The following TENM1 variants were observed in gnomAD, a reference collection of about 807,000 sequenced individuals.
TENM1 encodes teneurin transmembrane protein 1, also known as teneurin-1.
Under a neutral mutation model 174.8 loss-of-function variants are expected in TENM1, and 35 were observed. That is an observed-to-expected ratio of 0.20 (90% confidence interval 0.15 to 0.27). TENM1 has a LOEUF of 0.27. TENM1 is among the 10% of genes least tolerant of loss of function. TENM1 has a pLI of 1.00. For synonymous variants in TENM1, 781 were observed against 798.7 expected, an observed-to-expected ratio of 0.98 and a Z score of 0.37; for missense variants, 1,633 against 2,130.1, an observed-to-expected ratio of 0.77 and a Z score of 4.59.
At chrX:124,590,709 G>C (rs1198091824) in intron 11 of TENM1, among the ~76,000 whole-genome samples, 1 of 111,939 alleles carries the variant, frequency 8.9e-6, no homozygotes, top group Non-Finnish European at 1.9e-5. Flanking sequence ...AATGAATTTT[G>C]TGTTTTTGAT....
intron 13 of TENM1, 66 bp from the exon 17 acceptor site, chrX:124,561,883 T>C: frequency 9.2e-7 from 1 of 1,090,760 alleles, no homozygotes; most frequent in African/African-American, 1.8e-5. Context: ...CAATGATGTA[T>C]TTGCCTATAG....
chrX:125,168,726 A>T, the TENM1 span, among the ~76,000 whole-genome samples: 6 of 110,779 alleles, frequency 5.4e-5, no homozygotes, highest in Admixed American at 2.9e-4. Context: ...ACTGCCATGA[A>T]TTCTACACCT....
At chrX:124,885,367 A>C (rs2147530799) in intron 3 of TENM1, among the ~76,000 whole-genome samples, 1 of 111,029 alleles carries the variant, frequency 9.0e-6, no homozygotes, top group South Asian at 3.9e-4. Context: ...AATAATGAAT[A>C]GATCAGAAAG....
At chrX:124,998,090 G>GAA in the TENM1 span, among the ~76,000 whole-genome samples, 9 of 48,712 alleles carry the variant, frequency 1.8e-4, no homozygotes, top group East Asian at 1.4e-3. Context: ...TCATTTTAGA[G>GAA]AAAAAAAAAA....
At chrX:124,479,991 T>C (rs2046809417) in intron 22 of TENM1, among the ~76,000 whole-genome samples, 1 of 111,729 alleles carries the variant, frequency 9.0e-6, no homozygotes, top group African/African-American at 3.3e-5. Context: ...TTGTGTTCCC[T>C]TAGGGAAAAT....
At chrX:124,388,903 A>C (rs2060252424) in intron 28 of TENM1, among the ~76,000 whole-genome samples, 1 of 112,257 alleles carries the variant, frequency 8.9e-6, no homozygotes, top group African/African-American at 3.2e-5. Context: ...AAATGATTAT[A>C]AAATATATTT....
the TENM1 span, among the ~76,000 whole-genome samples, chrX:125,160,896 T>G: frequency 9.1e-6 from 1 of 110,403 alleles, no homozygotes; most frequent in Non-Finnish European, 1.9e-5. Context: ...CACAAAATGT[T>G]AATCATAGAG....
intron 22 of TENM1, among the ~76,000 whole-genome samples, chrX:124,478,042 C>T (rs2046770726): frequency 8.9e-6 from 1 of 112,107 alleles, no homozygotes; most frequent in Non-Finnish European, 1.9e-5. Context: ...GTGTATGGCA[C>T]ACAGTAGGCA....
chrX:124,563,679 T>G, intron 13 of TENM1, 70 bp downstream of exon 16: 1 of 901,464 alleles, frequency 1.1e-6, no homozygotes, highest in Non-Finnish European at 1.5e-6. Context: ...AACGCTACCC[T>G]TTCTTTCTTA....
the TENM1 span, among the ~76,000 whole-genome samples, chrX:124,977,963 TGTGTGAGAGAGAGAGAGA>T: frequency 0.035 from 1,419 of 40,450 alleles, 31 homozygotes; most frequent in African/African-American, 0.099. Flanking sequence ...TGTGTGTGTG[TGTGTGAGAGAGAGAGAGA>T]GAGAGAGAGA....
chrX:125,155,821 G>A, the TENM1 span, among the ~76,000 whole-genome samples: 4 of 112,394 alleles, frequency 3.6e-5, no homozygotes, highest in Admixed American at 9.3e-5. Flanking sequence ...CTGGCAGCCC[G>A]GGTTCCCGCC....
At chrX:125,136,990 G>C in the TENM1 span, among the ~76,000 whole-genome samples, 6 of 110,620 alleles carry the variant, frequency 5.4e-5, no homozygotes, top group Non-Finnish European at 1.1e-4. Flanking sequence ...GTGTAGGGAA[G>C]GAATGTGGGC....
At chrX:124,420,894 T>C in intron 24 of TENM1, 73 bp from the exon 28 acceptor site, 6 of 972,183 alleles carry the variant, frequency 6.2e-6, no homozygotes, top group Non-Finnish European at 8.6e-6. Flanking sequence ...GACATAAAGC[T>C]CTGTGCATCA....
At chrX:125,007,320 A>T in the TENM1 span, among the ~76,000 whole-genome samples, 1 of 109,265 alleles carries the variant, frequency 9.2e-6, no homozygotes, top group Non-Finnish European at 1.9e-5. Flanking sequence ...CGCAGACAAC[A>T]TTAGAGAAAA....
chrX:124,611,937 T>C (rs1013692832), intron 11 of TENM1, among the ~76,000 whole-genome samples: 3 of 112,271 alleles, frequency 2.7e-5, no homozygotes, highest in Non-Finnish European at 3.8e-5. Flanking sequence ...TTGACTTGCA[T>C]GCAAGAGTAA....
chrX:125,072,725 T>A, the TENM1 span, among the ~76,000 whole-genome samples: 1 of 110,574 alleles, frequency 9.0e-6, no homozygotes, highest in Admixed American at 9.6e-5. Context: ...AATAATAAAA[T>A]AAAAAAAAGA....
At chrX:124,412,257 C>T (rs1331849920) in intron 25 of TENM1, among the ~76,000 whole-genome samples, 1 of 112,868 alleles carries the variant, frequency 8.9e-6, no homozygotes, top group African/African-American at 3.2e-5. Flanking sequence ...TGTGTGTGTG[C>T]ATGTGCACAC....
At chrX:125,173,705 T>C in the TENM1 span, among the ~76,000 whole-genome samples, 1 of 111,271 alleles carries the variant, frequency 9.0e-6, no homozygotes, top group African/African-American at 3.3e-5. Context: ...CTGAAAAGAA[T>C]ATTGGTATAT....
At chrX:124,438,340 G>T (rs1441484537) in intron 23 of TENM1, among the ~76,000 whole-genome samples, 3 of 109,961 alleles carry the variant, frequency 2.7e-5, no homozygotes, top group Non-Finnish European at 5.7e-5. Context: ...AAGTATCTTA[G>T]ATATTTCTGT....
Sources: gnomAD v4.1 joint callset for allele counts (sites outside exome capture counted in the v4.1 genomes callset) on GRCh38, gnomAD v4.1.1 for gene constraint, MANE v1.5 for transcripts, NCBI Gene and HGNC (gene_info 2026-07-23, HGNC 2026-07-21) for gene names.